The following KLF8 variants were observed in gnomAD, a reference collection of about 807,000 sequenced individuals.
KLF8 encodes the protein KLF transcription factor 8, also known as Krueppel-like factor 8.
Under a neutral mutation model 18.2 loss-of-function variants are expected in KLF8, and 10 were observed. The ratio of observed to expected loss-of-function variants is 0.55; its 90% CI spans 0.34 to 0.93. The LOEUF is 0.93. Ranked by LOEUF, KLF8 falls within the 40% of genes least tolerant of loss-of-function variation. The pLI is 0.02. For missense variants in KLF8, 264 were observed against 277.9 expected (o/e 0.95, Z 0.36); for synonymous variants, 109 against 97.3 (o/e 1.12, Z -0.71).
the KLF8 span, among the ~76,000 whole-genome samples, chrX:56,081,382 A>T: frequency 8.9e-6 from 1 of 111,812 alleles, no homozygotes; most frequent in Non-Finnish European, 1.9e-5. Flanking sequence ...AGTAGCTTTT[A>T]TGTGGATCTC....
the KLF8 span, among the ~76,000 whole-genome samples, chrX:56,130,646 GC>G: frequency 1.8e-5 from 2 of 111,232 alleles, no homozygotes; most frequent in African/African-American, 6.5e-5. Flanking sequence ...ATGGATCCAA[GC>G]CAAGAAAAAA....
the KLF8 span, among the ~76,000 whole-genome samples, chrX:56,058,837 A>G: frequency 9.0e-6 from 1 of 111,414 alleles, no homozygotes; most frequent in Non-Finnish European, 1.9e-5. Context: ...TTTACAGTAG[A>G]ATGATTTATA....
chrX:55,941,995 G>T, the KLF8 span, among the ~76,000 whole-genome samples: 1 of 111,389 alleles, frequency 9.0e-6, no homozygotes, highest in Non-Finnish European at 1.9e-5. Context: ...AATACCATTT[G>T]ACCCAGCCAT....
chrX:56,089,119 A>G, the KLF8 span, among the ~76,000 whole-genome samples: 1 of 111,212 alleles, frequency 9.0e-6, no homozygotes, highest in Non-Finnish European at 1.9e-5. Flanking sequence ...AGGTCCATCC[A>G]CCACTGAAGT....
the KLF8 span, among the ~76,000 whole-genome samples, chrX:55,963,040 C>T: frequency 2.7e-5 from 3 of 112,171 alleles, no homozygotes; most frequent in Admixed American, 1.9e-4. Context: ...TGTTTTCTGT[C>T]TTATTTAAGA....
chrX:55,928,237 CCTT>C, the KLF8 span, among the ~76,000 whole-genome samples: 2 of 111,700 alleles, frequency 1.8e-5, no homozygotes, highest in African/African-American at 6.5e-5. Context: ...GGTGAGGTGT[CCTT>C]CTCATCATGT....
the KLF8 span, among the ~76,000 whole-genome samples, chrX:56,201,840 T>G: frequency 7.2e-5 from 8 of 111,819 alleles, no homozygotes; most frequent in Non-Finnish European, 1.1e-4. Context: ...TAAATATGGC[T>G]GGCCCTAAGT....
chrX:56,272,763 G>A (rs758349146), intron 5 of KLF8, among the ~76,000 whole-genome samples: 13 of 111,141 alleles, frequency 1.2e-4, no homozygotes, highest in Non-Finnish European at 2.3e-4. Flanking sequence ...CCACACAGTA[G>A]CCAGAGGATT....
At chrX:56,265,932 T>C in intron 3 of KLF8, 188 bp downstream of exon 3, 1 of 1,014,880 alleles carries the variant, frequency 9.9e-7, no homozygotes, top group Non-Finnish European at 1.3e-6. Context: ...GATTAGACCA[T>C]GCTTCTCAAA....
chrX:55,997,101 G>A, the KLF8 span, among the ~76,000 whole-genome samples: 1 of 111,779 alleles, frequency 8.9e-6, no homozygotes, highest in Non-Finnish European at 1.9e-5. Flanking sequence ...AGGAGCTATG[G>A]TGGTTGCCTC....
At chrX:56,053,556 T>G in the KLF8 span, among the ~76,000 whole-genome samples, 7 of 103,068 alleles carry the variant, frequency 6.8e-5, no homozygotes, top group Admixed American at 3.1e-4. Context: ...TTTTTTTTTT[T>G]TGGGGAATAG....
chrX:56,038,667 G>A, the KLF8 span, among the ~76,000 whole-genome samples: 1 of 112,142 alleles, frequency 8.9e-6, no homozygotes, highest in Non-Finnish European at 1.9e-5. Flanking sequence ...TAATAGTGCT[G>A]CAATGAACAT....
At chrX:56,054,767 C>T in the KLF8 span, among the ~76,000 whole-genome samples, 1 of 111,981 alleles carries the variant, frequency 8.9e-6, no homozygotes, top group Non-Finnish European at 1.9e-5. Context: ...GATCAGAGTA[C>T]TCCTATGCTC....
the KLF8 span, among the ~76,000 whole-genome samples, chrX:56,222,747 G>A: frequency 1.8e-5 from 2 of 113,226 alleles, no homozygotes; most frequent in East Asian, 5.6e-4. Context: ...CCCCCGGGGA[G>A]GCAGCTAAGG....
At chrX:56,077,233 T>G in the KLF8 span, among the ~76,000 whole-genome samples, 2 of 112,198 alleles carry the variant, frequency 1.8e-5, no homozygotes, top group Admixed American at 9.4e-5. Context: ...ATGTCCTGTA[T>G]GGTAATGCCT....
chrX:56,185,689 T>G, the KLF8 span, among the ~76,000 whole-genome samples: 1 of 112,071 alleles, frequency 8.9e-6, no homozygotes, highest in African/African-American at 3.2e-5. Flanking sequence ...GCAGAAACTC[T>G]ACAAGCCAGA....
the KLF8 span, among the ~76,000 whole-genome samples, chrX:56,097,823 A>T: frequency 9.3e-6 from 1 of 108,026 alleles, no homozygotes; most frequent in Non-Finnish European, 1.9e-5. Flanking sequence ...AAGTGGATCT[A>T]AAAAAACCCT....
the KLF8 span, among the ~76,000 whole-genome samples, chrX:56,079,953 A>C: frequency 1.4e-4 from 15 of 110,889 alleles, no homozygotes; most frequent in African/African-American, 3.9e-4. Flanking sequence ...CTGTTTTATC[A>C]GAGACTAGGA....
At chrX:56,129,721 A>T in the KLF8 span, among the ~76,000 whole-genome samples, 12 of 107,239 alleles carry the variant, frequency 1.1e-4, no homozygotes, top group East Asian at 5.7e-4. Flanking sequence ...AACAGGCAAA[A>T]AGATGCAAAA....
Sources: gnomAD v4.1 joint callset for allele counts (sites outside exome capture counted in the v4.1 genomes callset) on GRCh38, gnomAD v4.1.1 for gene constraint, MANE v1.5 for transcripts, NCBI Gene and HGNC (gene_info 2026-07-23, HGNC 2026-07-21) for gene names.